The following SLC35F1 variants were observed in gnomAD, a reference collection of about 807,000 sequenced individuals.
SLC35F1 encodes chromosome 6 open reading frame 169.
A neutral mutation model predicts 48.7 loss-of-function variants in SLC35F1; 14 were observed. That is an observed-to-expected ratio of 0.29 (90% CI 0.19 to 0.45). The LOEUF is 0.45. Among genes scored for constraint, SLC35F1 ranks in the 20% least tolerant of loss-of-function variants. The pLI, the probability that SLC35F1 is intolerant of heterozygous loss-of-function variation, is 1.00. For missense variants in SLC35F1, 404 were observed against 500.0 expected, an observed-to-expected ratio of 0.81 and a Z score of 1.83; for synonymous variants, 190 against 202.2, an observed-to-expected ratio of 0.94 and a Z score of 0.51.
chr6:118,099,699 A>G (rs1210633836), intron 1 of SLC35F1, among the ~76,000 whole-genome samples: 1 of 152,174 alleles, frequency 6.6e-6, no homozygotes, highest in Non-Finnish European at 1.5e-5. Context: ...CAGGTAAGAC[A>G]TGAATTGAGA....
At chr6:118,122,973 G>A (rs1359517589) in intron 1 of SLC35F1, among the ~76,000 whole-genome samples, 1 of 152,130 alleles carries the variant, frequency 6.6e-6, no homozygotes, top group African/African-American at 2.4e-5. Context: ...CTATAGGAGA[G>A]AAGAAATTAG....
At chr6:118,199,901 T>C (rs1562323054) in intron 2 of SLC35F1, among the ~76,000 whole-genome samples, 3 of 152,232 alleles carry the variant, frequency 2.0e-5, no homozygotes, top group Non-Finnish European at 4.4e-5. Flanking sequence ...TACAACCACA[T>C]TGTTGTATTA....
At chr6:118,126,748 G>A (rs1258784469) in intron 1 of SLC35F1, among the ~76,000 whole-genome samples, 1 of 151,588 alleles carries the variant, frequency 6.6e-6, no homozygotes, top group Non-Finnish European at 1.5e-5. Flanking sequence ...AAGCAATTGT[G>A]AATGGGAGTT....
chr6:118,166,694 G>A (rs1562312450), intron 2 of SLC35F1, among the ~76,000 whole-genome samples: 1 of 152,148 alleles, frequency 6.6e-6, no homozygotes, highest in African/African-American at 2.4e-5. Context: ...GTTAAAAATT[G>A]TAAGTTATTT....
At chr6:118,054,497 C>G (rs982148843) in intron 1 of SLC35F1, among the ~76,000 whole-genome samples, 10 of 152,154 alleles carry the variant, frequency 6.6e-5, no homozygotes, top group African/African-American at 2.4e-4. Flanking sequence ...CTGCTCTTGG[C>G]ACAATTACAA....
chr6:118,088,208 T>A (rs1773019756), intron 1 of SLC35F1, among the ~76,000 whole-genome samples: 1 of 152,240 alleles, frequency 6.6e-6, no homozygotes, highest in Non-Finnish European at 1.5e-5. Context: ...TATTTATTCC[T>A]AGCACTAATT....
chr6:117,977,947 A>G (rs1436735942), intron 1 of SLC35F1, among the ~76,000 whole-genome samples: 2 of 152,302 alleles, frequency 1.3e-5, no homozygotes, highest in South Asian at 2.1e-4. Flanking sequence ...AAATATTAAG[A>G]TGAAAAATTA....
chr6:118,231,141 A>T (rs1171783598), intron 2 of SLC35F1, among the ~76,000 whole-genome samples: 1 of 152,204 alleles, frequency 6.6e-6, no homozygotes, highest in Admixed American at 6.5e-5. Flanking sequence ...AAAACACAGC[A>T]AACTGTTAAC....
chr6:117,922,763 A>T (rs1775915852), intron 1 of SLC35F1, among the ~76,000 whole-genome samples: 1 of 152,136 alleles, frequency 6.6e-6, no homozygotes, highest in Admixed American at 6.6e-5. Flanking sequence ...ATTATGTGGG[A>T]TAATTAATAT....
chr6:118,075,652 T>G (rs1055181668), intron 1 of SLC35F1, among the ~76,000 whole-genome samples: 7 of 152,242 alleles, frequency 4.6e-5, no homozygotes, highest in African/African-American at 1.7e-4. Context: ...GTATTTTTGA[T>G]CTATCATTGC....
At chr6:118,241,578 C>CGTGTGTGT (rs10570595) in intron 3 of SLC35F1, among the ~76,000 whole-genome samples, 6 of 147,278 alleles carry the variant, frequency 4.1e-5, no homozygotes, top group East Asian at 2.0e-4. Context: ...TTTTTACCTT[C>CGTGTGTGT]GTGTGTGTGT....
At chr6:118,204,230 C>T (rs1030297809) in intron 2 of SLC35F1, among the ~76,000 whole-genome samples, 4 of 150,380 alleles carry the variant, frequency 2.7e-5, no homozygotes, top group African/African-American at 5.0e-5. Flanking sequence ...GAGAGTGAGC[C>T]GAGTGGGATT....
At chr6:118,263,883 A>T (rs1775741315) in intron 3 of SLC35F1, among the ~76,000 whole-genome samples, 2 of 152,234 alleles carry the variant, frequency 1.3e-5, no homozygotes, top group Admixed American at 1.3e-4. Flanking sequence ...GTTTACTAAG[A>T]GCAGCTGCCA....
At chr6:118,103,660 A>T (rs150538653) in intron 1 of SLC35F1, among the ~76,000 whole-genome samples, 14 of 152,356 alleles carry the variant, frequency 9.2e-5, no homozygotes, top group Admixed American at 9.1e-4. Context: ...AATGCCAGCC[A>T]GAGCCCTATG....
intron 3 of SLC35F1, among the ~76,000 whole-genome samples, chr6:118,255,407 G>A (rs1364616244): frequency 6.6e-6 from 1 of 152,180 alleles, no homozygotes; most frequent in South Asian, 2.1e-4. Context: ...AGCTGATAAA[G>A]GCTTTGATGA....
intron 1 of SLC35F1, among the ~76,000 whole-genome samples, chr6:118,013,500 T>C (rs1360009013): frequency 6.6e-6 from 1 of 152,198 alleles, no homozygotes; most frequent in Non-Finnish European, 1.5e-5. Flanking sequence ...AAAAGTAAAT[T>C]TATATAAATT....
intron 7 of SLC35F1, among the ~76,000 whole-genome samples, chr6:118,294,542 C>A (rs960896923): frequency 6.6e-6 from 1 of 152,136 alleles, no homozygotes; most frequent in Non-Finnish European, 1.5e-5. Flanking sequence ...AATATTGCCA[C>A]AAAATTGTTG....
rs115281266 is a variant in SLC35F1, at chr6:118,081,227, G to T, written c.174-73218G>T. On this transcript the variant is annotated intron_variant, in intron 1 of 7. Coordinates refer to ENST00000360388, the MANE Select transcript of SLC35F1 (RefSeq NM_001029858.4). ...TTATATTTGGGACAAACCTTATAGA[G>T]ATGTTAAATGACAGTTTCACACATA... Among the ~76,000 whole-genome samples, 996 of 152,246 alleles carry T rather than the reference G, an allele frequency of 6.5e-3. 9 individuals are homozygous for T. Among genetic ancestry groups the T allele is most frequent in the African/African-American group, 0.023 (970 of 41,556 alleles).
intron 1 of SLC35F1, among the ~76,000 whole-genome samples, chr6:117,920,173 C>T (rs1775879262): frequency 6.6e-6 from 1 of 152,194 alleles, no homozygotes; most frequent in African/African-American, 2.4e-5. Flanking sequence ...CCCTGTCCTC[C>T]ACAGATAGCC....
Sources: allele counts gnomAD v4.1 joint callset (sites outside exome capture counted in the v4.1 genomes callset), GRCh38; gene constraint gnomAD v4.1.1; transcripts MANE v1.5; gene names NCBI Gene and HGNC (gene_info 2026-07-23, HGNC 2026-07-21).